AUTS2: variants seen among roughly 807,000 people sequenced by gnomAD.
The protein encoded by AUTS2 is autism susceptibility gene 2 protein.
Under a neutral mutation model 112.4 loss-of-function variants are expected in AUTS2, and 17 were observed. That is an observed-to-expected ratio of 0.15 (90% CI 0.10 to 0.23). AUTS2 has a LOEUF of 0.23. AUTS2 is among the 10% of genes least tolerant of loss of function. The pLI is 1.00. For missense variants in AUTS2, 1,510 were observed against 1,701.6 expected (o/e 0.89, Z 1.98); for synonymous variants, 751 against 702.7 (o/e 1.07, Z -1.09).
At chr7:70,117,801 T>C (rs1439823269) in intron 2 of AUTS2, among the ~76,000 whole-genome samples, 1 of 151,290 alleles carries the variant, frequency 6.6e-6, no homozygotes, top group Non-Finnish European at 1.5e-5. Flanking sequence ...CAGTCTGGAG[T>C]GCACTGGTGC....
intron 1 of AUTS2, among the ~76,000 whole-genome samples, chr7:69,701,088 T>C (rs919272490): frequency 6.6e-6 from 1 of 152,200 alleles, no homozygotes; most frequent in African/African-American, 2.4e-5. Flanking sequence ...ACAAGTTACC[T>C]AACCTCTTTG....
At chr7:70,285,779 A>G (rs917445139) in intron 4 of AUTS2, among the ~76,000 whole-genome samples, 1 of 152,184 alleles carries the variant, frequency 6.6e-6, no homozygotes, top group African/African-American at 2.4e-5. Context: ...CATTCATCAA[A>G]TATTTATTGA....
chr7:69,785,922 C>T (rs556556373), intron 1 of AUTS2, among the ~76,000 whole-genome samples: 5 of 152,088 alleles, frequency 3.3e-5, no homozygotes, highest in Admixed American at 1.3e-4. Context: ...CCCTTGTCTC[C>T]CAGGTTCAAA....
intron 4 of AUTS2, among the ~76,000 whole-genome samples, chr7:70,274,365 C>G (rs1035288010): frequency 1.8e-4 from 28 of 151,928 alleles, no homozygotes; most frequent in Non-Finnish European, 3.4e-4. Context: ...TGAATCATGA[C>G]TCTACTGCAG....
At chr7:70,051,360 A>T (rs141162428) in intron 2 of AUTS2, among the ~76,000 whole-genome samples, 11 of 152,238 alleles carry the variant, frequency 7.2e-5, no homozygotes, top group African/African-American at 2.4e-4. Context: ...ATGAGAGAAC[A>T]TTAAGCCACA....
intron 1 of AUTS2, among the ~76,000 whole-genome samples, chr7:69,812,198 G>C (rs1019444010): frequency 6.6e-6 from 1 of 152,080 alleles, no homozygotes; most frequent in Non-Finnish European, 1.5e-5. Context: ...TGACAATACT[G>C]TGTTTGGGAG....
intron 1 of AUTS2, among the ~76,000 whole-genome samples, chr7:69,828,412 G>A (rs1319570612): frequency 6.6e-6 from 1 of 152,226 alleles, no homozygotes; most frequent in Non-Finnish European, 1.5e-5. Flanking sequence ...AGGCCCACAT[G>A]CAGGGGACAG....
Position 70,454,663 on chromosome 7 carries a change from G to A in AUTS2, c.690+18882G>A, listed in dbSNP as rs1006762301. On this transcript the variant is annotated intron_variant, in intron 5 of 18. Coordinates refer to ENST00000342771, the MANE Select transcript of AUTS2 (RefSeq NM_015570.4). ...TAATCCCAGCACTTTGCGACTGAGC[G>A]TTTCCCTGCTCAGTCACACTGATAA... 3.3e-5 allele frequency among the ~76,000 whole-genome samples: 5 copies of A among 152,324 alleles called. No individual in the cohort carries two copies. In the East Asian group the frequency reaches 5.8e-4, roughly 18 times the overall value.
chr7:70,522,678 A>G (rs928517548), intron 5 of AUTS2, among the ~76,000 whole-genome samples: 4 of 152,184 alleles, frequency 2.6e-5, no homozygotes, highest in Non-Finnish European at 5.9e-5. Flanking sequence ...ATGTATATGT[A>G]CCACATTTTC....
intron 11 of AUTS2, among the ~76,000 whole-genome samples, chr7:70,773,335 C>A (rs1242963259): frequency 6.6e-6 from 1 of 152,088 alleles, no homozygotes; most frequent in Non-Finnish European, 1.5e-5. Flanking sequence ...AGTGATTGTG[C>A]CCAAAGTAGG....
chr7:70,668,442 A>T (rs1316754327), intron 5 of AUTS2, among the ~76,000 whole-genome samples: 1 of 152,212 alleles, frequency 6.6e-6, no homozygotes, highest in Non-Finnish European at 1.5e-5. Flanking sequence ...CCCTGTGGTA[A>T]ACCCATGGCA....
Position 69,610,299 on chromosome 7 carries a change from A to C in AUTS2, c.309+10337A>C, listed in dbSNP as rs115959079. Among the ~76,000 whole-genome samples, 562 of 152,328 alleles carry C rather than the reference A, an allele frequency of 3.7e-3. 4 individuals carry two copies. Among genetic ancestry groups the C allele is most frequent in the African/African-American group, 0.013 (532 of 41,574 alleles). On this transcript the variant is annotated intron_variant, in intron 1 of 18. Transcript: ENST00000342771. ...TGTTAAACCAGGATGTTTGAGTTGA[A>C]CTTCAATCAGAGAGGCTCTGCCTCC...
intron 5 of AUTS2, among the ~76,000 whole-genome samples, chr7:70,616,945 G>A (rs1804404405): frequency 6.6e-6 from 1 of 152,038 alleles, no homozygotes; most frequent in South Asian, 2.1e-4. Context: ...GACCAGAGGT[G>A]AAGAGAGAAA....
chr7:70,643,310 C>T (rs565270486), intron 5 of AUTS2, among the ~76,000 whole-genome samples: 10 of 152,336 alleles, frequency 6.6e-5, no homozygotes, highest in Admixed American at 2.0e-4. Context: ...TGGTGGCTCA[C>T]GCCCGTAATC....
At chr7:69,603,082 C>T (rs544341130) in intron 1 of AUTS2, among the ~76,000 whole-genome samples, 3 of 152,248 alleles carry the variant, frequency 2.0e-5, no homozygotes, top group African/African-American at 4.8e-5. Context: ...ATCCTAAATA[C>T]GTAGTATGTT....
At chr7:70,003,165 A>G (rs1799279356) in intron 2 of AUTS2, among the ~76,000 whole-genome samples, 1 of 137,842 alleles carries the variant, frequency 7.3e-6, no homozygotes, top group South Asian at 2.2e-4. Context: ...ATATATATTC[A>G]TATATATTAT....
At chr7:70,077,218 A>G (rs1803076330) in intron 2 of AUTS2, among the ~76,000 whole-genome samples, 1 of 149,710 alleles carries the variant, frequency 6.7e-6, no homozygotes, top group Non-Finnish European at 1.5e-5. Flanking sequence ...CCTTGTGGGG[A>G]TGTTGTGAGA....
intron 4 of AUTS2, among the ~76,000 whole-genome samples, chr7:70,286,273 G>T (rs1290669356): frequency 6.6e-6 from 1 of 152,180 alleles, no homozygotes; most frequent in African/African-American, 2.4e-5. Context: ...AGAGCAACAG[G>T]AAGATACTGA....
chr7:70,284,208 ATAATCT>A, intron 4 of AUTS2, among the ~76,000 whole-genome samples: 1 of 152,368 alleles, frequency 6.6e-6, no homozygotes, highest in East Asian at 1.9e-4. Context: ...ACATCAATAC[ATAATCT>A]TAATTTTTAG....
Sources: allele counts gnomAD v4.1 joint callset (sites outside exome capture counted in the v4.1 genomes callset), GRCh38; gene constraint gnomAD v4.1.1; transcripts MANE v1.5; gene names NCBI Gene and HGNC (gene_info 2026-07-23, HGNC 2026-07-21).